FAM81A: variants seen among roughly 807,000 people sequenced by gnomAD.
FAM81A encodes the protein protein FAM81A.
A neutral mutation model predicts 46.7 loss-of-function variants in FAM81A; 19 were observed. That is an observed-to-expected ratio of 0.41 (90% confidence interval 0.28 to 0.60). The LOEUF (loss-of-function observed/expected upper bound fraction) is 0.60, where lower values mean the gene tolerates loss of function less well. Ranked by LOEUF, FAM81A falls within the 20% of genes least tolerant of loss-of-function variation. FAM81A has a pLI of 0.34. For missense variants in FAM81A, 377 were observed against 453.5 expected (o/e 0.83, Z 1.53); for synonymous variants, 183 against 152.9 (o/e 1.20, Z -1.45).
intron 1 of FAM81A, among the ~76,000 whole-genome samples, chr15:59,439,501 A>G (rs990603803): frequency 6.6e-6 from 1 of 152,104 alleles, no homozygotes; most frequent in African/African-American, 2.4e-5. Context: ...CACTGTCTAT[A>G]AACTTCCCTC....
At chr15:59,492,427 A>C (rs754519407) in intron 4 of FAM81A, 38 bp downstream of exon 4, 4 of 1,522,892 alleles carry the variant, frequency 2.6e-6, no homozygotes, top group Non-Finnish European at 3.6e-6. Flanking sequence ...CTCATCAAAA[A>C]CCATTTTCTA....
chr15:59,470,794 T>C (rs924237677), intron 3 of FAM81A, among the ~76,000 whole-genome samples: 14 of 152,152 alleles, frequency 9.2e-5, no homozygotes, highest in Admixed American at 9.2e-4. Context: ...ACCAGAGCTG[T>C]TCCTATTTGG....
chr15:59,401,148 T>C (rs1446955501), intron 1 of FAM81A: 1 of 737,482 alleles, frequency 1.4e-6, no homozygotes, highest in East Asian at 2.5e-5. Flanking sequence ...TTGGTAGTAT[T>C]CAGAAACATC....
chr15:59,463,854 G>A (rs2081581829), intron 3 of FAM81A, among the ~76,000 whole-genome samples: 1 of 151,938 alleles, frequency 6.6e-6, no homozygotes, highest in South Asian at 2.1e-4. Flanking sequence ...AAAATTGACA[G>A]ACAATAATTA....
chr15:59,499,295 C>T (rs1022832328), intron 4 of FAM81A, among the ~76,000 whole-genome samples: 19 of 152,218 alleles, frequency 1.2e-4, no homozygotes, highest in African/African-American at 4.6e-4. Flanking sequence ...TTTCCTTACC[C>T]CCAATACAGC....
chr15:59,518,424 C>T (rs940488741), intron 8 of FAM81A, among the ~76,000 whole-genome samples: 1 of 152,018 alleles, frequency 6.6e-6, no homozygotes, highest in Non-Finnish European at 1.5e-5. Flanking sequence ...CTCAGGTGAG[C>T]CCCCTGCCTC....
rs760485938 is a variant in FAM81A at position 59,460,248 on chromosome 15, A to G, written c.294+42A>G. The G allele has an allele frequency of 1.4e-5, 23 of 1,613,618 alleles. No individual in the cohort carries two copies. The highest frequency in any genetic ancestry group is 1.0e-4 in the Admixed American group (6 of 59,998). On this transcript the variant is annotated intron_variant, in intron 3 of 8. Transcript: ENST00000288228. The surrounding 1 kb of genome is among the most constrained non-coding windows in gnomAD (Gnocchi z 4.4). ...TCAGGTGGCCTATGTCCCTTTCCAC[A>G]GAATTGCTCCATGTCAGGAGGTCAC...
chr15:59,502,763 C>G (rs1455937881), intron 4 of FAM81A, among the ~76,000 whole-genome samples: 2 of 151,644 alleles, frequency 1.3e-5, no homozygotes, highest in African/African-American at 4.8e-5. Context: ...CCCAGGTAAT[C>G]CGCCCACCTC....
At chr15:59,469,545 T>A (rs1450217039) in intron 3 of FAM81A, among the ~76,000 whole-genome samples, 2 of 152,136 alleles carry the variant, frequency 1.3e-5, no homozygotes, top group Non-Finnish European at 2.9e-5. Context: ...CTGCTTTTTT[T>A]TTTTTTGCTT....
At chr15:59,492,213 T>G in intron 3 of FAM81A, 58 bp from the exon 4 acceptor site, 1 of 1,325,338 alleles carries the variant, frequency 7.5e-7, no homozygotes, top group South Asian at 1.3e-5. Flanking sequence ...TATAAAATGC[T>G]TTTGTGGAAG....
At chr15:59,470,748 A>T (rs1237616833) in intron 3 of FAM81A, among the ~76,000 whole-genome samples, 1 of 151,930 alleles carries the variant, frequency 6.6e-6, no homozygotes, top group Non-Finnish European at 1.5e-5. Context: ...TGTTGAAATC[A>T]CCCGTCTTCT....
chr15:59,439,277 T>C (rs2081271546), intron 1 of FAM81A, among the ~76,000 whole-genome samples: 1 of 152,176 alleles, frequency 6.6e-6, no homozygotes. Context: ...CATTTGCAAC[T>C]TGCTTTTAAA....
chr15:59,488,170 C>T (rs1453317847), intron 3 of FAM81A, among the ~76,000 whole-genome samples: 1 of 152,092 alleles, frequency 6.6e-6, no homozygotes, highest in African/African-American at 2.4e-5. Flanking sequence ...AGACAAAAAG[C>T]ATATGATCAT....
At chr15:59,465,258 C>A (rs2081598636) in intron 3 of FAM81A, among the ~76,000 whole-genome samples, 1 of 152,090 alleles carries the variant, frequency 6.6e-6, no homozygotes, top group Non-Finnish European at 1.5e-5. Context: ...ATGCCTCTGG[C>A]TTTGTTCTTA....
Position 59,521,978 on chromosome 15 carries a change from T to C in FAM81A, c.*600T>C, listed in dbSNP as rs1180564700. Reference sequence around the variant, plus strand: ...TTATGTAATGGAAATAGTTTAAAAATTGCTAACTGCCATGTGGATTGCAAA... The same window carrying C: ...TTATGTAATGGAAATAGTTTAAAAACTGCTAACTGCCATGTGGATTGCAAA... On this transcript the variant is annotated 3_prime_UTR_variant, in exon 9 of 9. Coordinates refer to ENST00000288228, the MANE Select transcript of FAM81A (RefSeq NM_152450.3). 6.6e-6 allele frequency: 1 copy of C among 152,578 alleles called. No homozygotes were observed. Among genetic ancestry groups the C allele is most frequent in the East Asian group, 1.9e-4 (1 of 5,206 alleles). 9.5% of individuals were successfully genotyped at this position (152,578 alleles called of 1,614,324 possible). A position where few individuals can be genotyped will look rare whatever the true frequency, so the allele number is the denominator to read the frequency against.
chr15:59,405,577 G>A (rs2140466482), intron 2 of FAM81A, among the ~76,000 whole-genome samples: 1 of 152,066 alleles, frequency 6.6e-6, no homozygotes, highest in Non-Finnish European at 1.5e-5. Context: ...GGAGGCAGGG[G>A]CTGCAGTGAG....
chr15:59,502,393 A>G (rs1198147200), intron 4 of FAM81A, among the ~76,000 whole-genome samples: 1 of 149,480 alleles, frequency 6.7e-6, no homozygotes, highest in Non-Finnish European at 1.5e-5. Flanking sequence ...ATGTGTTCTC[A>G]TTGTTCAATT....
chr15:59,462,704 A>G (rs2081567473), intron 3 of FAM81A, among the ~76,000 whole-genome samples: 1 of 151,804 alleles, frequency 6.6e-6, no homozygotes, highest in African/African-American at 2.4e-5. Flanking sequence ...CCTCTATTCT[A>G]TTTTCTGTCC....
chr15:59,460,469 G>A lies in FAM81A; in HGVS notation c.294+263G>A, dbSNP rs1168834286. The A allele has an allele frequency of 4.9e-5, 26 of 533,450 alleles. No homozygotes were observed. The highest frequency in any genetic ancestry group is 7.4e-5 in the Non-Finnish European group (22 of 295,586). The allele number at this position is 533,450 out of a possible 1,614,324, so 33.0% of individuals were successfully genotyped here. A position where few individuals can be genotyped will look rare whatever the true frequency, so the allele number is the denominator to read the frequency against. On this transcript the variant is annotated intron_variant, in intron 3 of 8. Transcript: ENST00000288228. The surrounding 1 kb of genome is among the most constrained non-coding windows in gnomAD (Gnocchi z 4.4). Reference sequence around the variant, plus strand: ...GCTGATTATTAAATGATTTTATTTTGTTTGGCTCTTAATGAAGAGAGAGAA... The same window carrying A: ...GCTGATTATTAAATGATTTTATTTTATTTGGCTCTTAATGAAGAGAGAGAA...
Sources: allele counts gnomAD v4.1 joint callset (sites outside exome capture counted in the v4.1 genomes callset), GRCh38; gene constraint gnomAD v4.1.1; non-coding constraint Gnocchi (gnomAD v3.1); transcripts MANE v1.5; gene names NCBI Gene and HGNC (gene_info 2026-07-23, HGNC 2026-07-21).